Variants in SLC35F4 observed in about 807,000 individuals in gnomAD.
The protein encoded by SLC35F4 is solute carrier family 35 member F4.
Under a neutral mutation model 44.2 loss-of-function variants are expected in SLC35F4, and 24 were observed. That is an observed-to-expected ratio of 0.54 (90% CI 0.39 to 0.76). SLC35F4 has a LOEUF of 0.76. Ranked by LOEUF, SLC35F4 falls within the 30% of genes least tolerant of loss-of-function variation. The probability of loss-of-function intolerance (pLI) is 0.00; values close to 1 mark genes in which losing one functional copy is unlikely to be tolerated. For missense variants in SLC35F4, 562 were observed against 586.1 expected, an observed-to-expected ratio of 0.96 and a Z score of 0.42; for synonymous variants, 238 against 223.6, an observed-to-expected ratio of 1.06 and a Z score of -0.57.
chr14:57,676,460 T>G (rs928530869), intron 1 of SLC35F4, among the ~76,000 whole-genome samples: 1 of 152,078 alleles, frequency 6.6e-6, no homozygotes, highest in Non-Finnish European at 1.5e-5. Flanking sequence ...GGATAAAAGC[T>G]ATGCCTGCAG....
chr14:57,890,691 A>C (rs1162762298), intron 1 of SLC35F4, among the ~76,000 whole-genome samples: 1 of 152,184 alleles, frequency 6.6e-6, no homozygotes, highest in Non-Finnish European at 1.5e-5. Flanking sequence ...TCATATTTTA[A>C]GCAAGCTGTG....
intron 1 of SLC35F4, among the ~76,000 whole-genome samples, chr14:57,595,035 A>G (rs2070411506): frequency 6.6e-6 from 1 of 152,166 alleles, no homozygotes; most frequent in Non-Finnish European, 1.5e-5. Flanking sequence ...ATCACTATTA[A>G]CCAAATTCCA....
chr14:57,608,771 C>A (rs2071309423), intron 1 of SLC35F4, among the ~76,000 whole-genome samples: 1 of 139,832 alleles, frequency 7.2e-6, no homozygotes, highest in South Asian at 2.2e-4. Context: ...AAAAGAAAAG[C>A]AGCCCAAAAG....
At chr14:57,612,614 A>G (rs777555948) in intron 1 of SLC35F4, among the ~76,000 whole-genome samples, 3 of 152,136 alleles carry the variant, frequency 2.0e-5, no homozygotes, top group Non-Finnish European at 4.4e-5. Flanking sequence ...CTATTTCTGT[A>G]TCTCCAGTAT....
chr14:57,883,012 G>A (rs1888569086), intron 1 of SLC35F4, among the ~76,000 whole-genome samples: 1 of 151,582 alleles, frequency 6.6e-6, no homozygotes, highest in Admixed American at 6.6e-5. Context: ...AGAGGAGGAG[G>A]AGGAGGAGAG....
chr14:57,641,845 T>C (rs1319748067), intron 1 of SLC35F4, among the ~76,000 whole-genome samples: 1 of 152,022 alleles, frequency 6.6e-6, no homozygotes, highest in African/African-American at 2.4e-5. Context: ...CTAGATTCAC[T>C]GATGAATAGC....
At chr14:57,762,220 A>G (rs1356513648) in intron 1 of SLC35F4, among the ~76,000 whole-genome samples, 1 of 152,188 alleles carries the variant, frequency 6.6e-6, no homozygotes, top group African/African-American at 2.4e-5. Flanking sequence ...AAACTCTCCC[A>G]GTGATAGATT....
upstream of SLC35F4, among the ~76,000 whole-genome samples, chr14:57,866,246 G>A (rs1038176569): frequency 1.3e-5 from 2 of 152,204 alleles, no homozygotes; most frequent in South Asian, 2.1e-4. Flanking sequence ...TCAGTGGGGC[G>A]CGAGAGGAGA....
intron 1 of SLC35F4, among the ~76,000 whole-genome samples, chr14:57,601,994 G>A (rs1192428235): frequency 6.6e-6 from 1 of 152,098 alleles, no homozygotes; most frequent in Non-Finnish European, 1.5e-5. Context: ...TTCCATCTCA[G>A]CTAATCAGTT....
At chr14:57,736,340 T>G (rs911809245) in intron 1 of SLC35F4, among the ~76,000 whole-genome samples, 2 of 152,180 alleles carry the variant, frequency 1.3e-5, no homozygotes, top group African/African-American at 4.8e-5. Flanking sequence ...CACAGTAACT[T>G]TTTTCCACAA....
chr14:57,707,351 G>A (rs1461387409), intron 1 of SLC35F4, among the ~76,000 whole-genome samples: 3 of 152,106 alleles, frequency 2.0e-5, no homozygotes, highest in South Asian at 2.1e-4. Context: ...GGATCACGGG[G>A]GCAGTTTCAC....
chr14:57,925,732 C>T (rs1190569034), intron 1 of SLC35F4, among the ~76,000 whole-genome samples: 1 of 151,366 alleles, frequency 6.6e-6, no homozygotes, highest in Non-Finnish European at 1.5e-5. Context: ...ATAGACATAC[C>T]TGAGTTGGCT....
At chr14:57,846,251 C>T (rs535797607) in intron 1 of SLC35F4, among the ~76,000 whole-genome samples, 4 of 152,308 alleles carry the variant, frequency 2.6e-5, no homozygotes, top group South Asian at 4.1e-4. Context: ...CCAAACCATT[C>T]GGAATTTCTC....
At chr14:57,613,210 G>T (rs879340358) in intron 1 of SLC35F4, among the ~76,000 whole-genome samples, 3 of 152,100 alleles carry the variant, frequency 2.0e-5, no homozygotes, top group Admixed American at 6.5e-5. Context: ...ATGCTGAGTT[G>T]GTCTGATTAG....
chr14:57,574,729 T>C (rs1049506389), intron 4 of SLC35F4, among the ~76,000 whole-genome samples: 1 of 152,020 alleles, frequency 6.6e-6, no homozygotes, highest in African/African-American at 2.4e-5. Context: ...TGAGGAAAAA[T>C]TGTGGAGTGG....
intron 1 of SLC35F4, among the ~76,000 whole-genome samples, chr14:57,649,766 TG>T (rs2073704000): frequency 7.0e-6 from 1 of 143,638 alleles, no homozygotes; most frequent in African/African-American, 2.6e-5. Context: ...ATACCTTTTT[TG>T]TTGCCCTACT....
At chr14:57,932,973 C>A (rs544875554) in intron 1 of SLC35F4, among the ~76,000 whole-genome samples, 1 of 152,068 alleles carries the variant, frequency 6.6e-6, no homozygotes, top group Non-Finnish European at 1.5e-5. Flanking sequence ...GGGAAAATAT[C>A]ATTCCCCCAT....
At chr14:57,894,562 A>C (rs1473896880) in intron 1 of SLC35F4, among the ~76,000 whole-genome samples, 1 of 152,146 alleles carries the variant, frequency 6.6e-6, no homozygotes, top group African/African-American at 2.4e-5. Context: ...GTCACTGTTC[A>C]ACTTTGCACT....
intron 3 of SLC35F4, among the ~76,000 whole-genome samples, chr14:57,585,473 T>C (rs1328645476): frequency 6.6e-6 from 1 of 152,108 alleles, no homozygotes; most frequent in African/African-American, 2.4e-5. Flanking sequence ...TTCAACATAG[T>C]ATTGGAAGTT....
Sources: gnomAD v4.1 joint callset for allele counts (sites outside exome capture counted in the v4.1 genomes callset) on GRCh38, gnomAD v4.1.1 for gene constraint, MANE v1.5 for transcripts, NCBI Gene and HGNC (gene_info 2026-07-23, HGNC 2026-07-21) for gene names.